The following CCDC81 variants were observed in gnomAD, a reference collection of about 807,000 sequenced individuals.
The protein encoded by CCDC81 is coiled-coil domain containing 81, also known as coiled-coil domain-containing protein 81.
A neutral mutation model predicts 83.7 loss-of-function variants in CCDC81; 79 were observed. That is an observed-to-expected ratio of 0.94 (90% CI 0.79 to 1.14). The LOEUF (loss-of-function observed/expected upper bound fraction) is 1.14, where lower values mean the gene tolerates loss of function less well. Among genes scored for constraint, CCDC81 ranks in the 50% most tolerant of loss-of-function variants. The pLI, the probability that CCDC81 is intolerant of heterozygous loss-of-function variation, is 0.00. For missense variants in CCDC81, 791 were observed against 778.1 expected, an observed-to-expected ratio of 1.02 and a Z score of -0.20; for synonymous variants, 252 against 278.1, an observed-to-expected ratio of 0.91 and a Z score of 0.93.
chr11:86,401,673 G>A (rs1266537288), intron 7 of CCDC81, among the ~76,000 whole-genome samples: 2 of 151,966 alleles, frequency 1.3e-5, no homozygotes, highest in East Asian at 1.9e-4. Flanking sequence ...GTATAAACCT[G>A]CTTTTATAAA....
chr11:86,385,976 A>G (rs1264869432), intron 1 of CCDC81, 75 bp from the exon 2 acceptor site: 2 of 703,174 alleles, frequency 2.8e-6, no homozygotes, highest in Non-Finnish European at 5.0e-6. Flanking sequence ...TTACATTTTT[A>G]TTTATTAGCA....
chr11:86,407,496 C>G, intron 7 of CCDC81, 118 bp from the exon 8 acceptor site: 2 of 676,160 alleles, frequency 3.0e-6, no homozygotes, highest in Non-Finnish European at 5.3e-6. Flanking sequence ...ATACATATAG[C>G]TGTTTTGAAG....
At chr11:86,398,457 T>C (rs1265812102) in intron 6 of CCDC81, among the ~76,000 whole-genome samples, 2 of 152,188 alleles carry the variant, frequency 1.3e-5, no homozygotes, top group Admixed American at 6.5e-5. Context: ...CTCATACCTA[T>C]GTCTGCATCT....
intron 1 of CCDC81, among the ~76,000 whole-genome samples, chr11:86,385,788 C>T (rs1013549160): frequency 3.9e-5 from 6 of 152,108 alleles, no homozygotes; most frequent in African/African-American, 1.4e-4. Flanking sequence ...ACAGAGTTCC[C>T]TTTGCTGTAG....
intron 10 of CCDC81, among the ~76,000 whole-genome samples, chr11:86,411,276 G>C (rs569312829): frequency 3.9e-4 from 60 of 152,122 alleles, no homozygotes; most frequent in South Asian, 4.2e-4. Flanking sequence ...TTTCCATCTA[G>C]TGTCTTTGCG....
At chr11:86,403,360 A>G (rs1310626667) in intron 7 of CCDC81, among the ~76,000 whole-genome samples, 4 of 151,442 alleles carry the variant, frequency 2.6e-5, no homozygotes, top group Admixed American at 2.0e-4. Context: ...TTTTCTTTTT[A>G]ATTTTGTTTC....
At chr11:86,413,768 T>C (rs1365990962) in intron 11 of CCDC81, among the ~76,000 whole-genome samples, 1 of 152,076 alleles carries the variant, frequency 6.6e-6, no homozygotes, top group African/African-American at 2.4e-5. Flanking sequence ...TATGTAGGGG[T>C]GTCCCATGGA....
At position 86,415,269 on chromosome 11, in the gene CCDC81, G is replaced by A. The variant is rs768843993; in HGVS notation, c.1647G>A (p.Val549=). The A allele has an allele frequency of 5.1e-5, 82 of 1,613,984 alleles. No individual in the cohort carries two copies. The highest frequency in any genetic ancestry group is 6.4e-5 in the Non-Finnish European group (76 of 1,180,012). Residue 549 remains valine, a synonymous_variant, in exon 13 of 15, where the codon GTG becomes GTA. Coordinates refer to ENST00000445632, the MANE Select transcript of CCDC81 (RefSeq NM_001156474.2). ...HKRKAILHQL[V]DQRRDLQMLQ... The stretch of plus-strand genomic sequence containing the variant: ...GGAAAGCCATCCTGCATCAACTAGT[G>A]GACCAGAGGCGGGATTTGCAAATGC...
chr11:86,412,489 G>A lies in CCDC81; in HGVS notation c.1321G>A (p.Glu441Lys). The A allele has an allele frequency of 6.2e-7, 1 of 1,614,040 alleles. No homozygotes were observed. Among genetic ancestry groups the A allele is most frequent in the South Asian group, 1.1e-5 (1 of 91,070 alleles). The change falls in exon 11 of 15, where the codon GAA (glutamate) becomes AAA (lysine). Residue 441 changes from glutamate (E) to lysine (K), a missense_variant. Transcript: ENST00000445632. The part of the protein sequence containing the change: ...SLLKQMDNRQ[E>K]NEIKQRQYRE... ...CCTGAAACAAATGGATAACAGACAG[G>A]AAAACGAAATAAAGCAAAGACAATA...
intron 7 of CCDC81, among the ~76,000 whole-genome samples, chr11:86,403,838 A>G (rs1333705442): frequency 6.6e-6 from 1 of 152,226 alleles, no homozygotes; most frequent in Non-Finnish European, 1.5e-5. Context: ...GGGGAAAGGT[A>G]ATAAGGGTAT....
At chr11:86,393,483 TG>T (rs1948364073) in intron 4 of CCDC81, among the ~76,000 whole-genome samples, 1 of 152,226 alleles carries the variant, frequency 6.6e-6, no homozygotes, top group African/African-American at 2.4e-5. Flanking sequence ...AGAGGCTATG[TG>T]GGAATCCCAA....
intron 3 of CCDC81, among the ~76,000 whole-genome samples, chr11:86,390,436 G>A (rs1183453179): frequency 6.6e-6 from 1 of 152,170 alleles, no homozygotes; most frequent in Non-Finnish European, 1.5e-5. Flanking sequence ...ATTGTGAGGG[G>A]CCTTATATGG....
chr11:86,382,583 C>A (rs1040013324), intron 1 of CCDC81, among the ~76,000 whole-genome samples: 1 of 152,038 alleles, frequency 6.6e-6, no homozygotes, highest in Non-Finnish European at 1.5e-5. Context: ...GTTGGATAAA[C>A]GGGTCCAGAA....
chr11:86,376,475 C>T (rs1047187671), intron 1 of CCDC81, among the ~76,000 whole-genome samples: 8 of 152,066 alleles, frequency 5.3e-5, no homozygotes, highest in Middle Eastern at 3.4e-3. Context: ...TCTTACATGA[C>T]GGCAGGAGAG....
rs550071563 is a variant in CCDC81, at chr11:86,385,159, G to A, written c.80-892G>A. Among the ~76,000 whole-genome samples the A allele has an allele frequency of 7.9e-5, 12 of 152,282 alleles. No individual in the cohort carries two copies. In the East Asian group the frequency reaches 1.9e-3, roughly 25 times the overall value. ...TCCCAGCACTTTGGGAGGCCGAGGC[G>A]GGTGGATCACCTGAGGTCAGGAGTT... On this transcript the variant is annotated intron_variant, in intron 1 of 14. Coordinates refer to ENST00000445632, the MANE Select transcript of CCDC81 (RefSeq NM_001156474.2).
chr11:86,396,047 ACTT>A (rs1402913245), intron 5 of CCDC81, among the ~76,000 whole-genome samples: 4 of 152,050 alleles, frequency 2.6e-5, no homozygotes, highest in Non-Finnish European at 4.4e-5. Flanking sequence ...ACTTTGTACC[ACTT>A]CTTCTGCCCT....
At chr11:86,407,046 T>G (rs1325594529) in intron 7 of CCDC81, among the ~76,000 whole-genome samples, 1 of 152,194 alleles carries the variant, frequency 6.6e-6, no homozygotes, top group Non-Finnish European at 1.5e-5. Context: ...GTTCTCTTAC[T>G]TCCTTCAGGT....
In CCDC81 at chr11:86,375,135, T is replaced by A. The variant is rs761153709; in HGVS notation, c.-29T>A. On this transcript the variant is annotated 5_prime_UTR_variant, in exon 1 of 15. Transcript: ENST00000445632. ...TAAGAAAGAAGAGACCCATCGAACA[T>A]TCAGTACGGAGTCACCTGGAAATTG... 6.3e-7 allele frequency: 1 copy of A among 1,595,814 alleles called. No individual in the cohort carries two copies. Among genetic ancestry groups the A allele is most frequent in the Non-Finnish European group, 8.6e-7 (1 of 1,163,670 alleles).
intron 10 of CCDC81, 124 bp downstream of exon 10, chr11:86,409,489 G>T: frequency 2.1e-6 from 1 of 467,216 alleles, no homozygotes; most frequent in East Asian, 3.6e-5. Flanking sequence ...GTCTTGCTCC[G>T]TCACCCAGGC....
Sources: allele counts gnomAD v4.1 joint callset (sites outside exome capture counted in the v4.1 genomes callset), GRCh38; gene constraint gnomAD v4.1.1; transcripts MANE v1.5; gene names NCBI Gene and HGNC (gene_info 2026-07-23, HGNC 2026-07-21).